ATRNL1: variants seen among roughly 807,000 people sequenced by gnomAD.
The protein encoded by ATRNL1 is attractin like 1, also known as attractin-like protein 1.
ATRNL1 carries 95 observed loss-of-function variants against 182.7 expected under a neutral mutation model. The observed-to-expected ratio is 0.52, with a 90% CI of 0.44 to 0.62. The LOEUF (loss-of-function observed/expected upper bound fraction) is 0.62, where lower values mean the gene tolerates loss of function less well. ATRNL1 is among the 20% of genes least tolerant of loss of function. ATRNL1 has a pLI of 0.00. For synonymous variants in ATRNL1, 576 were observed against 568.3 expected (o/e 1.01, Z -0.19); for missense variants, 1,471 against 1,679.5 (o/e 0.88, Z 2.17).
At chr10:115,654,247 T>C (rs1416939797) in intron 26 of ATRNL1, among the ~76,000 whole-genome samples, 1 of 151,208 alleles carries the variant, frequency 6.6e-6, no homozygotes, top group Non-Finnish European at 1.5e-5. Context: ...TGAGATGGAG[T>C]CTGGCTCTGT....
At chr10:115,867,434 A>G (rs943528367) in intron 28 of ATRNL1, among the ~76,000 whole-genome samples, 20 of 152,196 alleles carry the variant, frequency 1.3e-4, no homozygotes, top group Admixed American at 6.5e-4. Context: ...ATAGAAAAGA[A>G]TGGTACAAGT....
At chr10:115,397,087 C>A (rs781972416) in intron 20 of ATRNL1, among the ~76,000 whole-genome samples, 19 of 151,636 alleles carry the variant, frequency 1.3e-4, no homozygotes, top group Admixed American at 6.6e-5. Context: ...AGAATAGGCT[C>A]ATTATTTTTA....
intron 8 of ATRNL1, among the ~76,000 whole-genome samples, chr10:115,183,266 T>TA (rs1847815905): frequency 6.6e-6 from 1 of 151,438 alleles, no homozygotes; most frequent in African/African-American, 2.4e-5. Context: ...ACTCTATTAA[T>TA]ATGAATGAAA....
intron 21 of ATRNL1, among the ~76,000 whole-genome samples, chr10:115,455,728 T>C (rs1484174012): frequency 6.6e-6 from 1 of 152,170 alleles, no homozygotes; most frequent in African/African-American, 2.4e-5. Context: ...ATTTTTGCAA[T>C]CTATCCATCT....
At chr10:115,286,777 G>A (rs1185093103) in intron 15 of ATRNL1, among the ~76,000 whole-genome samples, 4 of 151,888 alleles carry the variant, frequency 2.6e-5, no homozygotes, top group Admixed American at 2.6e-4. Flanking sequence ...CATTCATGGA[G>A]TCAACCAACC....
intron 3 of ATRNL1, among the ~76,000 whole-genome samples, chr10:115,123,290 CT>C (rs1844821260): frequency 2.6e-5 from 4 of 151,922 alleles, no homozygotes; most frequent in Admixed American, 2.0e-4. Context: ...TCACAAAGAT[CT>C]CGTTGGGGGA....
intron 8 of ATRNL1, among the ~76,000 whole-genome samples, chr10:115,187,305 GA>G (rs782422458): frequency 4.0e-5 from 6 of 151,822 alleles, no homozygotes; most frequent in Non-Finnish European, 7.4e-5. Context: ...AGCAATATCA[GA>G]CAAACTTCAA....
intron 19 of ATRNL1, among the ~76,000 whole-genome samples, chr10:115,392,078 T>C (rs1345863697): frequency 6.6e-6 from 1 of 152,128 alleles, no homozygotes; most frequent in Non-Finnish European, 1.5e-5. Context: ...TCGATACAAG[T>C]AGTAGCATTA....
chr10:115,270,359 A>AAATATATAAATATTTTATATAT (rs1851800369), intron 13 of ATRNL1, among the ~76,000 whole-genome samples: 2 of 141,934 alleles, frequency 1.4e-5, no homozygotes, highest in South Asian at 2.1e-4. Flanking sequence ...ATATATAAAC[A>AAATATATAAATATTTTATATAT]AATATATAAA....
At chr10:115,205,687 T>C (rs1213807316) in intron 8 of ATRNL1, among the ~76,000 whole-genome samples, 6 of 152,030 alleles carry the variant, frequency 3.9e-5, no homozygotes, top group African/African-American at 1.2e-4. Flanking sequence ...TTTTAGAGTG[T>C]ACTAAGAATC....
chr10:115,149,716 A>G (rs1554880144), intron 5 of ATRNL1, among the ~76,000 whole-genome samples: 1 of 151,976 alleles, frequency 6.6e-6, no homozygotes, highest in African/African-American at 2.4e-5. Context: ...TTATTTTTTT[A>G]ATATGCTGCT....
chr10:115,765,975 T>TC (rs57521860), intron 27 of ATRNL1, among the ~76,000 whole-genome samples: 9 of 15,574 alleles, frequency 5.8e-4, no homozygotes, highest in Admixed American at 1.5e-3. Flanking sequence ...AACCATCCTT[T>TC]CCCCCCCCCG....
intron 26 of ATRNL1, among the ~76,000 whole-genome samples, chr10:115,722,391 C>T (rs971720322): frequency 3.9e-5 from 6 of 152,044 alleles, no homozygotes; most frequent in African/African-American, 1.4e-4. Flanking sequence ...CAATATTTTT[C>T]TGAACAAGAA....
chr10:115,167,495 T>C (rs1245332768), intron 7 of ATRNL1, among the ~76,000 whole-genome samples: 23 of 152,098 alleles, frequency 1.5e-4, no homozygotes, highest in Admixed American at 1.5e-3. Context: ...ATTTGTGGGA[T>C]TCATAAATTT....
intron 28 of ATRNL1, among the ~76,000 whole-genome samples, chr10:115,906,198 T>G (rs1417753588): frequency 2.0e-5 from 3 of 152,210 alleles, no homozygotes; most frequent in African/African-American, 2.4e-5. Context: ...AACTTATATT[T>G]ACCCTAATAA....
intron 6 of ATRNL1, 70 bp downstream of exon 6, chr10:115,160,284 A>G: frequency 7.2e-7 from 1 of 1,392,904 alleles, no homozygotes; most frequent in East Asian, 2.3e-5. Context: ...TTTTTTTTTT[A>G]ATTGTTGTCC....
intron 26 of ATRNL1, among the ~76,000 whole-genome samples, chr10:115,612,200 C>G (rs1028314325): frequency 6.6e-6 from 1 of 151,330 alleles, no homozygotes; most frequent in Admixed American, 6.6e-5. Context: ...TGCAGTGAGC[C>G]AAGATTAAGC....
intron 21 of ATRNL1, among the ~76,000 whole-genome samples, chr10:115,450,301 GA>G (rs1390217156): frequency 6.6e-6 from 1 of 152,212 alleles, no homozygotes; most frequent in East Asian, 1.9e-4. Context: ...GCAAGAGAAA[GA>G]AATAAAGAGC....
intron 28 of ATRNL1, among the ~76,000 whole-genome samples, chr10:115,875,440 A>G (rs1231894593): frequency 6.6e-6 from 1 of 152,190 alleles, no homozygotes; most frequent in Non-Finnish European, 1.5e-5. Flanking sequence ...ATCCTGAGGG[A>G]CAAGTGGAGA....
Sources: allele counts gnomAD v4.1 joint callset (sites outside exome capture counted in the v4.1 genomes callset), GRCh38; gene constraint gnomAD v4.1.1; transcripts MANE v1.5; gene names NCBI Gene and HGNC (gene_info 2026-07-23, HGNC 2026-07-21).